The following FGD6 variants were observed in gnomAD, a reference collection of about 807,000 sequenced individuals.
The protein encoded by FGD6 is FYVE, RhoGEF and PH domain-containing protein 6.
FGD6 carries 90 observed loss-of-function variants against 149.4 expected under a neutral mutation model. That is an observed-to-expected ratio of 0.60 (90% CI 0.51 to 0.72). The LOEUF (loss-of-function observed/expected upper bound fraction) is 0.72. Ranked by LOEUF, FGD6 falls within the 30% of genes least tolerant of loss-of-function variation. The pLI is 0.00. For synonymous variants in FGD6, 527 were observed against 584.0 expected (o/e 0.90, Z 1.41); for missense variants, 1,437 against 1,684.8 (o/e 0.85, Z 2.57).
At chr12:95,186,796 C>T (rs1042562209) in intron 2 of FGD6, among the ~76,000 whole-genome samples, 3 of 152,138 alleles carry the variant, frequency 2.0e-5, no homozygotes, top group Non-Finnish European at 2.9e-5. Context: ...GGCAAAACTG[C>T]CTGTGTTCGA....
chr12:95,210,881 G>C lies in FGD6; in HGVS notation c.403C>G (p.Pro135Ala), dbSNP rs1337696358. 2 of 1,612,386 alleles carry C rather than the reference G, an allele frequency of 1.2e-6. No homozygotes were observed. The highest frequency in any genetic ancestry group is 2.7e-5 in the African/African-American group (2 of 74,698). The change falls in exon 2 of 21, where the codon CCC becomes GCC. Residue 135 changes from proline to alanine, a missense_variant. Pro to Ala is a conservative substitution (Grantham distance 27). Around this residue, in one of 2 missense-constraint regions of FGD6, gnomAD observed 1,055 missense variants for 1,146.0 expected, o/e 0.92. Coordinates refer to ENST00000343958, the MANE Select transcript of FGD6 (RefSeq NM_018351.4). Reference sequence around the variant, plus strand: ...TCTAAATTTTCATTCATTTCCAGGGGCTCTAAAACAAGCTGCTTTACACAC... The same window carrying C: ...TCTAAATTTTCATTCATTTCCAGGGCCTCTAAAACAAGCTGCTTTACACAC... ...NLCVKQLVLE[P>A]LEMNENLENS...
chr12:95,114,933 C>CGA (rs1878961562), intron 8 of FGD6, among the ~76,000 whole-genome samples: 1 of 152,182 alleles, frequency 6.6e-6, no homozygotes, highest in African/African-American at 2.4e-5. Flanking sequence ...CCTGGCTTCA[C>CGA]ACCTTTTGTC....
intron 2 of FGD6, among the ~76,000 whole-genome samples, chr12:95,200,853 A>C (rs1295202468): frequency 6.6e-6 from 1 of 152,180 alleles, no homozygotes; most frequent in Non-Finnish European, 1.5e-5. Context: ...CCCAGAAGAA[A>C]GTAGGCAGTT....
chr12:95,094,767 C>T, intron 14 of FGD6, 73 bp from the exon 15 acceptor site: 1 of 1,127,164 alleles, frequency 8.9e-7, no homozygotes, highest in Non-Finnish European at 1.3e-6. Flanking sequence ...TTTCTTTCTC[C>T]CATGGCAACA....
At chr12:95,117,839 C>T (rs996477174) in intron 8 of FGD6, among the ~76,000 whole-genome samples, 5 of 151,886 alleles carry the variant, frequency 3.3e-5, no homozygotes, top group Middle Eastern at 3.2e-3. Context: ...GTCAAGAGTT[C>T]GAGACCAGCC....
At position 95,079,342 on chromosome 12, in the gene FGD6, G is replaced by T. The variant is rs1294009040; in HGVS notation, c.*2178C>A. On this transcript the variant is annotated 3_prime_UTR_variant, in exon 21 of 21. Transcript: ENST00000343958. ...TTAAAGAGACTGTAAGTTTGTGCCA[G>T]ATTTCTTCCCTCTCTCACTCTCTTT... 1 of 152,206 alleles carries T rather than the reference G, an allele frequency of 6.6e-6. No homozygotes were observed. Among genetic ancestry groups the T allele is most frequent in the African/African-American group, 2.4e-5 (1 of 41,450 alleles). The allele number at this position is 152,206 out of a possible 1,614,324, so 9.4% of individuals were successfully genotyped here. A position where few individuals can be genotyped will look rare whatever the true frequency, so the allele number is the denominator to read the frequency against.
At chr12:95,083,625 G>GA (rs1290721373) in intron 20 of FGD6, among the ~76,000 whole-genome samples, 1 of 152,098 alleles carries the variant, frequency 6.6e-6, no homozygotes, top group Non-Finnish European at 1.5e-5. Context: ...AAAATAGACT[G>GA]AAAAAAGAGT....
chr12:95,183,894 C>T (rs7135847), intron 2 of FGD6, among the ~76,000 whole-genome samples: 133,763 of 151,972 alleles, frequency 0.88, 59,238 homozygotes, highest in East Asian at 0.97. Context: ...TCTGGGATCG[C>T]GAGGTACAAA....
intron 2 of FGD6, among the ~76,000 whole-genome samples, chr12:95,196,782 G>A (rs1840724288): frequency 6.6e-6 from 1 of 151,586 alleles, no homozygotes; most frequent in Admixed American, 6.6e-5. Context: ...TGGGACTATA[G>A]GTACATGCCA....
intron 1 of FGD6, among the ~76,000 whole-genome samples, chr12:95,213,421 C>CA (rs902186911): frequency 7.3e-5 from 11 of 151,502 alleles, no homozygotes; most frequent in Non-Finnish European, 1.2e-4. Flanking sequence ...TCCATGAAAA[C>CA]AAAAAAAATA....
intron 3 of FGD6, among the ~76,000 whole-genome samples, chr12:95,158,862 A>AAATAATAAT (rs59224007): frequency 8.6e-5 from 13 of 150,388 alleles, no homozygotes; most frequent in Admixed American, 2.0e-4. Context: ...TCGTTAGTAA[A>AAATAATAAT]AATAATAATA....
intron 14 of FGD6, among the ~76,000 whole-genome samples, chr12:95,098,867 ATTTTTT>A (rs63204961): frequency 4.7e-5 from 6 of 126,748 alleles, no homozygotes; most frequent in Admixed American, 4.2e-4. Flanking sequence ...GGCCCTTTTA[ATTTTTT>A]TTTTTTTTTT....
intron 8 of FGD6, among the ~76,000 whole-genome samples, chr12:95,121,479 A>ATATATG (rs1390223384): frequency 1.5e-4 from 8 of 53,352 alleles, no homozygotes; most frequent in African/African-American, 6.0e-4. Context: ...ATATATATAT[A>ATATATG]TGTATATATA....
chr12:95,137,238 C>T (rs919020600), intron 7 of FGD6, among the ~76,000 whole-genome samples: 1 of 152,004 alleles, frequency 6.6e-6, no homozygotes, highest in Non-Finnish European at 1.5e-5. Flanking sequence ...AATCTACGTG[C>T]GAATGTACTC....
At chr12:95,151,104 GGAGA>G (rs535249912) in intron 5 of FGD6, among the ~76,000 whole-genome samples, 4 of 151,788 alleles carry the variant, frequency 2.6e-5, no homozygotes, top group South Asian at 2.1e-4. Flanking sequence ...TTAAAAAAAA[GGAGA>G]GAGAGAGGAA....
intron 5 of FGD6, among the ~76,000 whole-genome samples, chr12:95,142,248 TCTC>T (rs1159864769): frequency 1.3e-5 from 2 of 151,616 alleles, no homozygotes; most frequent in African/African-American, 4.8e-5. Flanking sequence ...TTCAAGCTAT[TCTC>T]CTGCCTCAGC....
At chr12:95,180,977 T>C (rs1881266147) in intron 2 of FGD6, among the ~76,000 whole-genome samples, 1 of 129,086 alleles carries the variant, frequency 7.7e-6, no homozygotes, top group South Asian at 2.9e-4. Context: ...GTGTAAACAT[T>C]TTCAGGATTG....
intron 7 of FGD6, among the ~76,000 whole-genome samples, chr12:95,136,213 C>G (rs1879661859): frequency 6.6e-6 from 1 of 152,008 alleles, no homozygotes; most frequent in African/African-American, 2.4e-5. Context: ...CAAAAATCAG[C>G]TGGGCATGGT....
chr12:95,185,162 C>G (rs1881393387), intron 2 of FGD6, among the ~76,000 whole-genome samples: 1 of 152,192 alleles, frequency 6.6e-6, no homozygotes, highest in Admixed American at 6.5e-5. Context: ...GTGTGAGCAC[C>G]CGGGCCCTTC....
Sources: gnomAD v4.1 joint callset for allele counts (sites outside exome capture counted in the v4.1 genomes callset) on GRCh38, gnomAD v4.1.1 for gene constraint, gnomAD v4.1.1 regional missense constraint, MANE v1.5 for transcripts, NCBI Gene and HGNC (gene_info 2026-07-23, HGNC 2026-07-21) for gene names.